Variants in ZNF804B observed in about 807,000 individuals in gnomAD.
ZNF804B encodes the protein zinc finger 804B.
A neutral mutation model predicts 101.4 loss-of-function variants in ZNF804B; 80 were observed. The observed-to-expected ratio is 0.79, with a 90% CI of 0.66 to 0.95. ZNF804B has a LOEUF of 0.95. Among genes scored for constraint, ZNF804B ranks in the 40% least tolerant of loss-of-function variants. The probability of loss-of-function intolerance (pLI) is 0.00; values close to 1 mark genes in which losing one functional copy is unlikely to be tolerated. For missense variants in ZNF804B, 1,673 were observed against 1,561.9 expected (o/e 1.07, Z -1.20); for synonymous variants, 622 against 558.8 (o/e 1.11, Z -1.59).
At chr7:89,072,053 G>C (rs1442536857) in intron 1 of ZNF804B, among the ~76,000 whole-genome samples, 1 of 152,114 alleles carries the variant, frequency 6.6e-6, no homozygotes, top group Non-Finnish European at 1.5e-5. Flanking sequence ...TCAGAGTTTT[G>C]ACCTCGAAAG....
At chr7:89,041,408 CAGGTCTTAAGCTTG>C (rs1789015683) in intron 1 of ZNF804B, among the ~76,000 whole-genome samples, 2 of 152,080 alleles carry the variant, frequency 1.3e-5, no homozygotes, top group South Asian at 4.1e-4. Flanking sequence ...GATGCTGGGA[CAGGTCTTAAGCTTG>C]AGTGTGTAGG....
intron 1 of ZNF804B, among the ~76,000 whole-genome samples, chr7:89,086,964 T>C: frequency 6.7e-6 from 1 of 149,384 alleles, no homozygotes; most frequent in African/African-American, 2.5e-5. Flanking sequence ...ACATGTACCC[T>C]AAAACTTAAA....
chr7:89,288,609 A>C (rs972230933), intron 2 of ZNF804B, among the ~76,000 whole-genome samples: 5 of 152,232 alleles, frequency 3.3e-5, no homozygotes, highest in African/African-American at 1.2e-4. Context: ...AAATGTTGAA[A>C]GAACAAATAA....
intron 1 of ZNF804B, among the ~76,000 whole-genome samples, chr7:88,789,186 G>GT (rs552819985): frequency 7.2e-4 from 109 of 152,080 alleles, no homozygotes; most frequent in Non-Finnish European, 1.1e-3. Flanking sequence ...ATAAGAACTA[G>GT]TTTTTTTGTA....
chr7:89,104,522 G>A (rs1790106704), intron 1 of ZNF804B, among the ~76,000 whole-genome samples: 1 of 151,826 alleles, frequency 6.6e-6, no homozygotes, highest in South Asian at 2.1e-4. Context: ...TCTAGTTTGT[G>A]TGAATAGAGA....
intron 1 of ZNF804B, among the ~76,000 whole-genome samples, chr7:88,975,048 G>C (rs907639211): frequency 6.6e-6 from 1 of 151,352 alleles, no homozygotes; most frequent in African/African-American, 2.4e-5. Context: ...TTCCATGCCT[G>C]GCTTATTTCA....
intron 1 of ZNF804B, among the ~76,000 whole-genome samples, chr7:88,873,420 G>T (rs1387492611): frequency 1.3e-5 from 2 of 152,140 alleles, no homozygotes. Flanking sequence ...TCTGTAGGTT[G>T]CCTGTTCACT....
intron 1 of ZNF804B, among the ~76,000 whole-genome samples, chr7:89,049,859 A>C (rs1285759061): frequency 1.3e-5 from 2 of 152,000 alleles, no homozygotes; most frequent in East Asian, 1.9e-4. Context: ...TAAAAATACA[A>C]AAATTAGCCA....
intron 2 of ZNF804B, among the ~76,000 whole-genome samples, chr7:89,237,599 G>A (rs912791125): frequency 1.3e-5 from 2 of 152,166 alleles, no homozygotes; most frequent in Admixed American, 6.6e-5. Context: ...AGAAGGTGCA[G>A]GAATAAGTAC....
chr7:89,002,860 A>T (rs2116175875), intron 1 of ZNF804B, among the ~76,000 whole-genome samples: 1 of 152,126 alleles, frequency 6.6e-6, no homozygotes, highest in South Asian at 2.1e-4. Context: ...CTTAAAAATC[A>T]ACTGTTCAAA....
At chr7:89,215,155 A>G (rs1788870923) in intron 1 of ZNF804B, among the ~76,000 whole-genome samples, 1 of 152,210 alleles carries the variant, frequency 6.6e-6, no homozygotes, top group South Asian at 2.1e-4. Context: ...TAAGAAAGAT[A>G]AGAATATCTG....
chr7:89,116,297 G>A (rs1483295991), intron 1 of ZNF804B, among the ~76,000 whole-genome samples: 3 of 152,082 alleles, frequency 2.0e-5, no homozygotes, highest in African/African-American at 7.2e-5. Flanking sequence ...GGTTCAAAAT[G>A]TTTATGATTT....
At chr7:89,321,400 A>G (rs1372606745) in intron 2 of ZNF804B, among the ~76,000 whole-genome samples, 1 of 152,056 alleles carries the variant, frequency 6.6e-6, no homozygotes, top group Non-Finnish European at 1.5e-5. Context: ...AATGGCATGA[A>G]CCCGAGAGGT....
rs574881205 is a variant in ZNF804B at position 89,276,494 on chromosome 7, A to G, written c.250-50850A>G. Among the ~76,000 whole-genome samples, 74 of 152,030 alleles carry G rather than the reference A, an allele frequency of 4.9e-4. 1 individual carries two copies. Among genetic ancestry groups the G allele is most frequent in the African/African-American group, 1.6e-3 (67 of 41,320 alleles). On this transcript the variant is annotated intron_variant, in intron 2 of 3. Transcript: ENST00000333190. ...TATAAACAAAAATAATTTCAAATGTACAATATAATATGTGTTTATTTGGGA... is the reference window on the plus strand; with the variant it reads ...TATAAACAAAAATAATTTCAAATGTGCAATATAATATGTGTTTATTTGGGA...
In ZNF804B at chr7:89,229,523, G is replaced by A. The variant is rs144434975; in HGVS notation, c.249+11228G>A. On this transcript the variant is annotated intron_variant, in intron 2 of 3. Transcript: ENST00000333190. The stretch of plus-strand genomic sequence containing the variant: ...TCTCCAAGAAGACATAATCTTTTAT[G>A]TGTATGTATTCAACTCACAACAGAG... Among the ~76,000 whole-genome samples the A allele has an allele frequency of 3.2e-3, 490 of 152,280 alleles. 5 individuals are homozygous for A. The highest frequency in any genetic ancestry group is 0.017 in the Middle Eastern group (5 of 294).
chr7:88,854,527 T>TTCCTTCC (rs1554340248), intron 1 of ZNF804B, among the ~76,000 whole-genome samples: 10 of 40,066 alleles, frequency 2.5e-4, no homozygotes, highest in Non-Finnish European at 3.7e-4. Context: ...CTTTCCTTCC[T>TTCCTTCC]TTCCTTCCTT....
chr7:88,884,668 G>T (rs1269394502), intron 1 of ZNF804B, among the ~76,000 whole-genome samples: 1 of 151,744 alleles, frequency 6.6e-6, no homozygotes. Context: ...ATGGAGAAAT[G>T]AGATTGATAT....
At position 88,944,949 on chromosome 7, in the gene ZNF804B, T is replaced by C. The variant is rs144829190; in HGVS notation, c.108+184865T>C. ...CATAAAAGATGGGGTTGTTTTTTTCTTGTAAATTTGTTTAAGTTCCTTGTG... is the reference window on the plus strand; with the variant it reads ...CATAAAAGATGGGGTTGTTTTTTTCCTGTAAATTTGTTTAAGTTCCTTGTG... On this transcript the variant is annotated intron_variant, in intron 1 of 3. Coordinates refer to ENST00000333190, the MANE Select transcript of ZNF804B (RefSeq NM_181646.5). Among the ~76,000 whole-genome samples, 167 of 152,152 alleles carry C rather than the reference T, an allele frequency of 1.1e-3. 3 individuals are homozygous for C. The East Asian group carries it at 0.025, about 23-fold the overall frequency.
intron 2 of ZNF804B, among the ~76,000 whole-genome samples, chr7:89,284,560 C>T (rs1339228317): frequency 6.6e-6 from 1 of 152,154 alleles, no homozygotes; most frequent in Non-Finnish European, 1.5e-5. Context: ...AAAGGAAACT[C>T]ACAAAGCCAT....
Sources: allele counts gnomAD v4.1 joint callset (sites outside exome capture counted in the v4.1 genomes callset), GRCh38; gene constraint gnomAD v4.1.1; transcripts MANE v1.5; gene names NCBI Gene and HGNC (gene_info 2026-07-23, HGNC 2026-07-21).